Variants in CNTNAP3B observed in about 807,000 individuals in gnomAD.
CNTNAP3B encodes the protein contactin associated protein family member 3B.
In CNTNAP3B, 25 loss-of-function variants were observed where a neutral mutation model predicts 108.9. The observed-to-expected ratio is 0.23, with a 90% CI of 0.17 to 0.32. The LOEUF (loss-of-function observed/expected upper bound fraction) is 0.32, where lower values mean the gene tolerates loss of function less well. Among genes scored for constraint, CNTNAP3B ranks in the 10% least tolerant of loss-of-function variants. CNTNAP3B has a pLI of 1.00. For missense variants in CNTNAP3B, 252 were observed against 1,210.4 expected (o/e 0.21, Z 11.75); for synonymous variants, 103 against 473.4 (o/e 0.22, Z 10.16).
chr9:42,080,141 G>A (rs1827582990), intron 2 of CNTNAP3B, among the ~76,000 whole-genome samples: 1 of 135,036 alleles, frequency 7.4e-6, no homozygotes, highest in Non-Finnish European at 1.6e-5. Flanking sequence ...TGCTACCCTG[G>A]GATGGTGTGT....
chr9:42,069,053 CTG>C (rs1335468505), intron 3 of CNTNAP3B, among the ~76,000 whole-genome samples: 2 of 80,756 alleles, frequency 2.5e-5, no homozygotes, highest in African/African-American at 1.0e-4. Flanking sequence ...CTCTGTGTGA[CTG>C]TGAAGCCCCA....
At chr9:41,977,768 C>T (rs1825548017) in intron 9 of CNTNAP3B, among the ~76,000 whole-genome samples, 1 of 116,796 alleles carries the variant, frequency 8.6e-6, no homozygotes, top group South Asian at 2.9e-4. Flanking sequence ...TACAGGCGCC[C>T]ACCACCATGC....
intron 3 of CNTNAP3B, among the ~76,000 whole-genome samples, chr9:42,030,776 G>GAGAGAGAGAGAGAGAGAGAGAT: frequency 8.4e-6 from 1 of 118,788 alleles, no homozygotes. Context: ...GAGAGAGAGA[G>GAGAGAGAGAGAGAGAGAGAGAT]AGAGAGAGAT....
Position 41,994,651 on chromosome 9 carries a change from G to T in CNTNAP3B, c.1071+1554C>A, listed in dbSNP as rs1264526098. On this transcript the variant is annotated intron_variant, in intron 7 of 23. Transcript: ENST00000377561. ...TTTTTCTCCTTTACCTTCTTGGAAA[G>T]TTCATGGGCTTCACAGCTGTTTTTC... is the stretch of plus-strand genomic sequence containing the variant. The T allele has an allele frequency of 5.1e-5, 24 of 466,998 alleles. 2 individuals are homozygous for T. The highest frequency in any genetic ancestry group is 9.1e-5 in the Non-Finnish European group (24 of 262,626). 28.9% of individuals were successfully genotyped at this position (466,998 alleles called of 1,614,324 possible). A position where few individuals can be genotyped will look rare whatever the true frequency, so the allele number is the denominator to read the frequency against.
intron 9 of CNTNAP3B, chr9:41,979,417 C>A (rs1307796726): frequency 8.9e-5 from 5 of 55,994 alleles, no homozygotes; most frequent in Non-Finnish European, 3.4e-5. Context: ...GCTCTTCTCA[C>A]ACTTTCAGGT....
intron 3 of CNTNAP3B, among the ~76,000 whole-genome samples, chr9:42,020,019 G>T: frequency 8.0e-6 from 1 of 124,712 alleles, no homozygotes; most frequent in African/African-American, 3.3e-5. Flanking sequence ...TGATACTTGA[G>T]CATCCTATCA....
At position 41,956,286 on chromosome 9, in the gene CNTNAP3B, C is replaced by T. The variant is rs1449214507; in HGVS notation, c.1877-2900G>A. Among the ~76,000 whole-genome samples the T allele has an allele frequency of 7.9e-5, 12 of 151,380 alleles. No homozygotes were observed. The South Asian group carries it at 1.0e-3, about 13-fold the overall frequency. ...CTGTAGTCCCAGCTACCGGGGAGGC[C>T]GAGGCAGAAGAATCATTTGAACCCG... is the stretch of plus-strand genomic sequence containing the variant. On this transcript the variant is annotated intron_variant, in intron 12 of 23. Transcript: ENST00000377561.
chr9:41,962,354 A>G (rs1393524387), intron 11 of CNTNAP3B, among the ~76,000 whole-genome samples: 5 of 152,280 alleles, frequency 3.3e-5, no homozygotes, highest in African/African-American at 9.6e-5. Context: ...CACTTGAAAT[A>G]CTTTTTCAAT....
intron 2 of CNTNAP3B, among the ~76,000 whole-genome samples, chr9:42,099,225 A>G (rs1473686986): frequency 1.3e-4 from 16 of 122,194 alleles, no homozygotes; most frequent in Non-Finnish European, 2.4e-4. Flanking sequence ...ATTGTCATCA[A>G]CTCATAACCA....
rs1169947185 is a variant in CNTNAP3B at position 42,094,339 on chromosome 9, G to C, written c.196+10290C>G. ...AAGAATGGTTTTACATTTGTAAAGCGTTGCATTTAAAAAAAAAAAACAAAG... is the reference window on the plus strand; with the variant it reads ...AAGAATGGTTTTACATTTGTAAAGCCTTGCATTTAAAAAAAAAAAACAAAG... On this transcript the variant is annotated intron_variant, in intron 2 of 23. Transcript: ENST00000377561. Among the ~76,000 whole-genome samples, 3 of 129,564 alleles carry C rather than the reference G, an allele frequency of 2.3e-5. 1 individual carries two copies. The East Asian group carries it at 7.1e-4, about 31-fold the overall frequency. The allele number at this position is 129,564 out of a possible 152,430, so 85.0% of individuals were successfully genotyped here.
At chr9:42,042,106 T>C (rs1464763137) in intron 3 of CNTNAP3B, among the ~76,000 whole-genome samples, 3 of 142,098 alleles carry the variant, frequency 2.1e-5, no homozygotes, top group Non-Finnish European at 3.0e-5. Context: ...GGAGGAGGGA[T>C]AGCATTAGGA....
At chr9:42,128,168 C>T (rs1828612902) in intron 1 of CNTNAP3B, among the ~76,000 whole-genome samples, 1 of 138,308 alleles carries the variant, frequency 7.2e-6, no homozygotes. Flanking sequence ...AAAAAATGTG[C>T]AATGTTGTGT....
chr9:42,039,094 G>C (rs926743005), intron 3 of CNTNAP3B, among the ~76,000 whole-genome samples: 3 of 152,130 alleles, frequency 2.0e-5, no homozygotes, highest in Non-Finnish European at 2.9e-5. Context: ...GCAGTGTGTA[G>C]AGGGAAATTT....
chr9:42,062,760 A>T (rs1827198267), intron 3 of CNTNAP3B, among the ~76,000 whole-genome samples: 1 of 90,744 alleles, frequency 1.1e-5, no homozygotes, highest in African/African-American at 4.2e-5. Flanking sequence ...TGATTAGGCA[A>T]TTTTCTATAG....
rs967781966 is a variant in CNTNAP3B at position 42,127,833 on chromosome 9, A to C, written c.85+1177T>G. 2.2e-5 allele frequency among the ~76,000 whole-genome samples: 3 copies of C among 139,216 alleles called. 1 individual carries two copies. The highest frequency in any genetic ancestry group is 5.7e-5 in the African/African-American group (2 of 34,926). The allele number at this position is 139,216 out of a possible 152,430, so 91.3% of individuals were successfully genotyped here. Reference sequence around the variant, plus strand: ...ATGTGCGTGCCCTGTGTGTGAAGAAACAACCCACCCTTGAGCCCACAGGCA... The same window carrying C: ...ATGTGCGTGCCCTGTGTGTGAAGAACCAACCCACCCTTGAGCCCACAGGCA... On this transcript the variant is annotated intron_variant, in intron 1 of 23. Coordinates refer to ENST00000377561, the MANE Select transcript of CNTNAP3B (RefSeq NM_001201380.3).
Position 42,054,909 on chromosome 9 carries a change from C to G in CNTNAP3B, c.390+21960G>C, listed in dbSNP as rs1229538947. Among the ~76,000 whole-genome samples, 87 of 148,030 alleles carry G rather than the reference C, an allele frequency of 5.9e-4. No homozygotes were observed. In the East Asian group the frequency reaches 0.014, roughly 24 times the overall value. ...GACTCCTCCTGACATCCAGGCTGTT[C>G]CTTCGCATTTGAAAGCCCATGAAAG... is the stretch of plus-strand genomic sequence containing the variant. On this transcript the variant is annotated intron_variant, in intron 3 of 23. Transcript: ENST00000377561.
chr9:42,101,546 TAACA>T (rs1386455415), intron 2 of CNTNAP3B, among the ~76,000 whole-genome samples: 1 of 33,884 alleles, frequency 3.0e-5, no homozygotes, highest in Admixed American at 3.7e-4. Context: ...GAAAAAGGAA[TAACA>T]AACATGTTTA....
At chr9:42,095,191 G>A (rs1208830942) in intron 2 of CNTNAP3B, among the ~76,000 whole-genome samples, 2 of 138,032 alleles carry the variant, frequency 1.4e-5, no homozygotes, top group African/African-American at 2.9e-5. Flanking sequence ...TTCTCCTCTA[G>A]CGTCTGGTAA....
Position 42,093,332 on chromosome 9 carries a change from G to T in CNTNAP3B, c.196+11297C>A, listed in dbSNP as rs1827839312. On this transcript the variant is annotated intron_variant, in intron 2 of 23. Transcript: ENST00000377561. ...TGCACTCCAGCCTGGGTGACAGGGT[G>T]AGGCTCCATCTCAAAAACCAAACCA... 4.2e-5 allele frequency among the ~76,000 whole-genome samples: 4 copies of T among 95,780 alleles called. 1 individual carries two copies. Among genetic ancestry groups the T allele is most frequent in the Non-Finnish European group, 8.9e-5 (4 of 45,112 alleles). The allele number at this position is 95,780 out of a possible 152,430, so 62.8% of individuals were successfully genotyped here.
Sources: gnomAD v4.1 joint callset for allele counts (sites outside exome capture counted in the v4.1 genomes callset) on GRCh38, gnomAD v4.1.1 for gene constraint, MANE v1.5 for transcripts, NCBI Gene and HGNC (gene_info 2026-07-23, HGNC 2026-07-21) for gene names.